Variants in ADCY1 observed in about 807,000 individuals in gnomAD.
The protein encoded by ADCY1 is adenylate cyclase type 1.
Under a neutral mutation model 105.4 loss-of-function variants are expected in ADCY1, and 28 were observed. That is an observed-to-expected ratio of 0.27 (90% CI 0.20 to 0.36). The LOEUF (loss-of-function observed/expected upper bound fraction) is 0.36, where lower values mean the gene tolerates loss of function less well. Among genes scored for constraint, ADCY1 ranks in the 10% least tolerant of loss-of-function variants. ADCY1 has a pLI of 1.00. For missense variants in ADCY1, 977 were observed against 1,434.2 expected, an observed-to-expected ratio of 0.68 and a Z score of 5.15; for synonymous variants, 655 against 623.8, an observed-to-expected ratio of 1.05 and a Z score of -0.75.
chr7:45,624,004 G>C (rs1793980633), intron 4 of ADCY1, among the ~76,000 whole-genome samples: 1 of 152,236 alleles, frequency 6.6e-6, no homozygotes, highest in Non-Finnish European at 1.5e-5. Flanking sequence ...GAGGGGCGCT[G>C]AGATCAGTGT....
intron 2 of ADCY1, among the ~76,000 whole-genome samples, chr7:45,602,304 C>T (rs750753705): frequency 4.6e-5 from 7 of 151,924 alleles, no homozygotes; most frequent in Non-Finnish European, 7.4e-5. Context: ...CTGTGCCTGT[C>T]GCAGCTGGAG....
chr7:45,661,522 A>C (rs894980505), intron 7 of ADCY1, among the ~76,000 whole-genome samples: 1 of 152,024 alleles, frequency 6.6e-6, no homozygotes, highest in Non-Finnish European at 1.5e-5. Context: ...CTATCACCTC[A>C]TTTGACCTTG....
In ADCY1 at chr7:45,618,168, G is replaced by A. The variant is rs144113068; in HGVS notation, c.909-4464G>A. On this transcript the variant is annotated intron_variant, in intron 3 of 19. Coordinates refer to ENST00000297323, the MANE Select transcript of ADCY1 (RefSeq NM_021116.4). ...TCAATAAATGGTGCTGGGAAAACTG[G>A]ATATGCATATGCAGAAAATGAAACT... is the stretch of plus-strand genomic sequence containing the variant. Among the ~76,000 whole-genome samples, 689 of 152,274 alleles carry A rather than the reference G, an allele frequency of 4.5e-3. 3 individuals are homozygous for A. The highest frequency in any genetic ancestry group is 6.3e-3 in the Non-Finnish European group (429 of 68,022).
chr7:45,610,875 G>GC (rs1584268574), intron 3 of ADCY1, among the ~76,000 whole-genome samples: 27 of 146,868 alleles, frequency 1.8e-4, no homozygotes, highest in Non-Finnish European at 2.3e-4. Flanking sequence ...TGATGGTGGA[G>GC]GTGGGAAGGT....
chr7:45,610,447 C>T lies in ADCY1; in HGVS notation c.858C>T (p.Pro286=), dbSNP rs191473643. The T allele has an allele frequency of 6.2e-7, 1 of 1,613,984 alleles. No homozygotes were observed. Among genetic ancestry groups the T allele is most frequent in the East Asian group, 2.2e-5 (1 of 44,858 alleles). The change falls in exon 3 of 20, where the codon CCC becomes CCT. Residue 286 remains proline, a synonymous_variant. Transcript: ENST00000297323. ...AMEMKEDFLK[P]PERIFHKIYI... is the part of the protein sequence containing the mutation. ...AGATGAAGGAGGACTTCCTGAAGCC[C>T]CCTGAGAGGATTTTCCACAAGATTT...
chr7:45,688,004 T>G (rs981317509), intron 14 of ADCY1, among the ~76,000 whole-genome samples: 5 of 152,214 alleles, frequency 3.3e-5, no homozygotes, highest in African/African-American at 1.2e-4. Context: ...GAGAGCTCAC[T>G]GTGGAAGCAG....
chr7:45,636,290 C>T (rs969139869), intron 4 of ADCY1, among the ~76,000 whole-genome samples: 4 of 152,166 alleles, frequency 2.6e-5, no homozygotes, highest in African/African-American at 9.7e-5. Flanking sequence ...TACACATCCT[C>T]CTCTATATTT....
At chr7:45,581,346 C>T (rs926613858) in intron 1 of ADCY1, among the ~76,000 whole-genome samples, 2 of 152,190 alleles carry the variant, frequency 1.3e-5, no homozygotes, top group African/African-American at 4.8e-5. Context: ...TAGTCTGTGA[C>T]TTAGTAAAAC....
In ADCY1 at chr7:45,686,770, C is replaced by T. The variant is rs569147405; in HGVS notation, c.2454+97C>T. ...ACGGGGGCTGCCACAGACACCCACACGCCGTATGGCCCTCGGAGGGCCCTC... is the reference window on the plus strand; with the variant it reads ...ACGGGGGCTGCCACAGACACCCACATGCCGTATGGCCCTCGGAGGGCCCTC... On this transcript the variant is annotated intron_variant, in intron 14 of 19. Coordinates refer to ENST00000297323, the MANE Select transcript of ADCY1 (RefSeq NM_021116.4). The surrounding 1 kb of genome is among the most constrained non-coding windows in gnomAD (Gnocchi z 4.3). 6.2e-5 allele frequency: 92 copies of T among 1,480,752 alleles called. No homozygotes were observed. Among genetic ancestry groups the T allele is most frequent in the African/African-American group, 3.2e-4 (23 of 71,988 alleles). 91.7% of individuals were successfully genotyped at this position (1,480,752 alleles called of 1,614,324 possible).
chr7:45,614,572 C>A (rs1204390656), intron 3 of ADCY1, among the ~76,000 whole-genome samples: 1 of 151,888 alleles, frequency 6.6e-6, no homozygotes, highest in Non-Finnish European at 1.5e-5. Context: ...ATGGATTAAA[C>A]TCCCCAGTCA....
intron 19 of ADCY1, among the ~76,000 whole-genome samples, chr7:45,711,605 CTG>C (rs1424849591): frequency 7.9e-5 from 5 of 63,158 alleles, no homozygotes; most frequent in Admixed American, 2.2e-4. Context: ...GAACTTCGTG[CTG>C]TATATATATA....
At chr7:45,580,342 T>G (rs778130897) in intron 1 of ADCY1, among the ~76,000 whole-genome samples, 1 of 152,174 alleles carries the variant, frequency 6.6e-6, no homozygotes, top group Non-Finnish European at 1.5e-5. Flanking sequence ...AGCTCCTTCA[T>G]GGACCGGAGA....
intron 6 of ADCY1, among the ~76,000 whole-genome samples, chr7:45,658,780 G>A (rs1263955206): frequency 6.6e-6 from 1 of 152,262 alleles, no homozygotes; most frequent in Non-Finnish European, 1.5e-5. Flanking sequence ...GGTGACCGTT[G>A]TAGTTCAGGG....
intron 8 of ADCY1, among the ~76,000 whole-genome samples, chr7:45,667,057 A>T (rs956560805): frequency 6.6e-6 from 1 of 151,970 alleles, no homozygotes; most frequent in Non-Finnish European, 1.5e-5. Context: ...GATTGCAAAA[A>T]TTTTCTCCCA....
chr7:45,658,648 C>T (rs1049861604), intron 6 of ADCY1, among the ~76,000 whole-genome samples: 6 of 152,220 alleles, frequency 3.9e-5, no homozygotes, highest in Non-Finnish European at 1.5e-5. Context: ...GCTCCCAAGG[C>T]CGGGCTATGC....
At chr7:45,656,169 G>C (rs951109227) in intron 5 of ADCY1, among the ~76,000 whole-genome samples, 2 of 151,988 alleles carry the variant, frequency 1.3e-5, no homozygotes, top group African/African-American at 4.8e-5. Context: ...TGGGCATGGT[G>C]GTGGGCGCCT....
intron 11 of ADCY1, chr7:45,684,748 A>G (rs559184086): frequency 3.1e-5 from 13 of 420,846 alleles, no homozygotes; most frequent in African/African-American, 1.8e-4. Flanking sequence ...GGGAAGTATT[A>G]TTCTTTGTAA....
chr7:45,662,157 A>G lies in ADCY1; in HGVS notation c.1548A>G (p.Lys516=). 1.9e-6 allele frequency: 3 copies of G among 1,614,098 alleles called. No homozygotes were observed. The highest frequency in any genetic ancestry group is 2.5e-6 in the Non-Finnish European group (3 of 1,180,014). ...TGGTGCAGCTCATGCACTGCCGGAA[A>G]ATGTTCAAGGCCGAGATCCCCTTCT... ...YLLVQLMHCR[K]MFKAEIPFSN... Residue 516 remains lysine, a synonymous_variant, in exon 8 of 20, where the codon AAA becomes AAG. Coordinates refer to ENST00000297323, the MANE Select transcript of ADCY1 (RefSeq NM_021116.4).
chr7:45,639,849 T>C (rs1794491320), intron 4 of ADCY1, among the ~76,000 whole-genome samples: 1 of 152,162 alleles, frequency 6.6e-6, no homozygotes, highest in African/African-American at 2.4e-5. Flanking sequence ...GGCTTGAGGC[T>C]ACCTGGATCT....
Sources: gnomAD v4.1 joint callset for allele counts (sites outside exome capture counted in the v4.1 genomes callset) on GRCh38, gnomAD v4.1.1 for gene constraint, Gnocchi (gnomAD v3.1) non-coding constraint, MANE v1.5 for transcripts, NCBI Gene and HGNC (gene_info 2026-07-23, HGNC 2026-07-21) for gene names.